The following SLC7A5 variants were observed in gnomAD, a reference collection of about 807,000 sequenced individuals.
The protein encoded by SLC7A5 is solute carrier family 7 member 5.
Under a neutral mutation model 50.2 loss-of-function variants are expected in SLC7A5, and 23 were observed. The observed-to-expected ratio is 0.46, with a 90% CI of 0.33 to 0.65. The LOEUF (loss-of-function observed/expected upper bound fraction) is 0.65, where lower values mean the gene tolerates loss of function less well. SLC7A5 is among the 30% of genes least tolerant of loss of function. The pLI is 0.02. For missense variants in SLC7A5, 578 were observed against 684.4 expected (o/e 0.84, Z 1.73); for synonymous variants, 393 against 330.6 (o/e 1.19, Z -2.05).
intron 4 of SLC7A5, 75 bp downstream of exon 4, chr16:87,840,354 C>A (rs901497521): frequency 1.5e-6 from 2 of 1,322,352 alleles, no homozygotes; most frequent in Non-Finnish European, 2.2e-6. Context: ...CAACAGGCTT[C>A]GAGTGGAATG....
In SLC7A5 at chr16:87,862,898, G is replaced by C. The variant is rs148016523; in HGVS notation, c.538+5987C>G. On this transcript the variant is annotated intron_variant, in intron 1 of 9. Transcript: ENST00000261622. This position sits in a 1 kb window ranked among gnomAD's most constrained non-coding sequence, Gnocchi z 5.3. ...AATCTGCTGAGGAGTGACAGCCATGGGGAGGAGAGCCACCTCACTCCAGGG... is the reference window on the plus strand; with the variant it reads ...AATCTGCTGAGGAGTGACAGCCATGCGGAGGAGAGCCACCTCACTCCAGGG... Among the ~76,000 whole-genome samples, 439 of 152,330 alleles carry C rather than the reference G, an allele frequency of 2.9e-3. 2 individuals are homozygous for C. Among genetic ancestry groups the C allele is most frequent in the African/African-American group, 0.01 (419 of 41,572 alleles).
At chr16:87,847,415 G>C (rs567578395) in intron 2 of SLC7A5, among the ~76,000 whole-genome samples, 1 of 152,172 alleles carries the variant, frequency 6.6e-6, no homozygotes, top group East Asian at 1.9e-4. Context: ...TGAGGGAGGC[G>C]GCACCTCTTC....
rs1356908492 is a variant in SLC7A5, at chr16:87,862,076, C to G, written c.538+6809G>C. Among the ~76,000 whole-genome samples, 2 of 152,160 alleles carry G rather than the reference C, an allele frequency of 1.3e-5. No individual in the cohort carries two copies. Among genetic ancestry groups the G allele is most frequent in the South Asian group, 2.1e-4 (1 of 4,830 alleles). The stretch of plus-strand genomic sequence containing the variant: ...TGGAGGGGTGCAGGGATCCCAAAAC[C>G]CAACCCGGGGCCAGGTTTTACACAG... On this transcript the variant is annotated intron_variant, in intron 1 of 9. Transcript: ENST00000261622. This position sits in a 1 kb window ranked among gnomAD's most constrained non-coding sequence, Gnocchi z 5.3.
chr16:87,869,104 C>A lies in SLC7A5; in HGVS notation c.319G>T (p.Gly107Cys). The change falls in exon 1 of 10, where the codon GGC becomes TGC. Residue 107 changes from glycine (G) to cysteine (C), a missense_variant. This residue lies in a region of SLC7A5 where 465 missense variants were observed against 594.6 expected (regional missense o/e 0.78). Transcript: ENST00000261622. ...IVGALCYAEL[G>C]TTISKSGGDY... The stretch of plus-strand genomic sequence containing the variant: ...CCGCCCGATTTGGAGATGGTGGTGC[C>A]GAGCTCCGCGTAGCAGAGCGCGCCC... 1 of 1,611,846 alleles carries A rather than the reference C, an allele frequency of 6.2e-7. No homozygotes were observed. The highest frequency in any genetic ancestry group is 8.5e-7 in the Non-Finnish European group (1 of 1,179,770).
chr16:87,830,481 A>C lies in SLC7A5; in HGVS notation c.*2489T>G, dbSNP rs574357687. ...AGGGACGGAAAAATCAAGTCTTCTGAGACAGTCCCCTGCGGTGGCCCTGGT... is the reference window on the plus strand; with the variant it reads ...AGGGACGGAAAAATCAAGTCTTCTGCGACAGTCCCCTGCGGTGGCCCTGGT... On this transcript the variant is annotated 3_prime_UTR_variant, in exon 10 of 10. Transcript: ENST00000261622. 6.6e-6 allele frequency: 1 copy of C among 152,440 alleles called. No individual in the cohort carries two copies. The highest frequency in any genetic ancestry group is 2.4e-5 in the African/African-American group (1 of 41,584). The allele number at this position is 152,440 out of a possible 1,614,324, so 9.4% of individuals were successfully genotyped here. A position where few individuals can be genotyped will look rare whatever the true frequency, so the allele number is the denominator to read the frequency against.
chr16:87,839,582 A>G, intron 5 of SLC7A5, 120 bp downstream of exon 5: 2 of 1,445,088 alleles, frequency 1.4e-6, no homozygotes, highest in Non-Finnish European at 1.9e-6. Flanking sequence ...AGGCTTAGAG[A>G]CGCGGGGCCC....
chr16:87,858,096 A>G (rs1354178504), intron 1 of SLC7A5, among the ~76,000 whole-genome samples: 1 of 152,168 alleles, frequency 6.6e-6, no homozygotes, highest in Non-Finnish European at 1.5e-5. Flanking sequence ...GGAGACCCCC[A>G]GGGCTGACAG....
chr16:87,845,378 A>T (rs904291536), intron 2 of SLC7A5, among the ~76,000 whole-genome samples: 1 of 151,704 alleles, frequency 6.6e-6, no homozygotes, highest in Non-Finnish European at 1.5e-5. Flanking sequence ...TGACCGCCAC[A>T]TGGGTTCAGT....
At chr16:87,834,737 C>A in intron 8 of SLC7A5, 146 bp from the exon 9 acceptor site, 1 of 817,820 alleles carries the variant, frequency 1.2e-6, no homozygotes. Context: ...CTCCATCTGC[C>A]TCACACACCG....
In SLC7A5 at chr16:87,865,566, T is replaced by A. The variant is rs577101776; in HGVS notation, c.538+3319A>T. ...TCTGCTAAAAATACAAAAAATTAGCTGGGCATGGTGGGCACCTGTAGTCCC... is the reference window on the plus strand; with the variant it reads ...TCTGCTAAAAATACAAAAAATTAGCAGGGCATGGTGGGCACCTGTAGTCCC... On this transcript the variant is annotated intron_variant, in intron 1 of 9. Transcript: ENST00000261622. Among the ~76,000 whole-genome samples the A allele has an allele frequency of 1.1e-3, 163 of 151,994 alleles. 1 individual carries two copies. The highest frequency in any genetic ancestry group is 3.6e-3 in the African/African-American group (149 of 41,452).
rs2055405661 is a variant in SLC7A5, at chr16:87,862,087, C to T, written c.538+6798G>A. ...AGGGATCCCAAAACCCAACCCGGGG[C>T]CAGGTTTTACACAGGCCTGGACTGA... On this transcript the variant is annotated intron_variant, in intron 1 of 9. Transcript: ENST00000261622. The surrounding 1 kb of genome is among the most constrained non-coding windows in gnomAD (Gnocchi z 5.3). Among the ~76,000 whole-genome samples the T allele has an allele frequency of 6.6e-6, 1 of 152,160 alleles. No individual in the cohort carries two copies. The highest frequency in any genetic ancestry group is 1.5e-5 in the Non-Finnish European group (1 of 68,024).
chr16:87,835,062 G>A (rs2054981167), intron 8 of SLC7A5, among the ~76,000 whole-genome samples: 1 of 152,242 alleles, frequency 6.6e-6, no homozygotes, highest in African/African-American at 2.4e-5. Flanking sequence ...TTCAGCAGAT[G>A]AGCTCCACCC....
At chr16:87,864,498 G>T (rs2055438125) in intron 1 of SLC7A5, among the ~76,000 whole-genome samples, 3 of 152,070 alleles carry the variant, frequency 2.0e-5, no homozygotes, top group African/African-American at 7.2e-5. Flanking sequence ...CCCTTCCCGG[G>T]ACATCCACTG....
intron 1 of SLC7A5, among the ~76,000 whole-genome samples, chr16:87,855,762 T>C (rs913054382): frequency 6.6e-6 from 1 of 151,914 alleles, no homozygotes; most frequent in African/African-American, 2.4e-5. Context: ...GTGTTCAATA[T>C]GGAGAGCAGG....
chr16:87,836,743 C>A, intron 7 of SLC7A5, 96 bp from the exon 8 acceptor site: 2 of 1,325,096 alleles, frequency 1.5e-6, no homozygotes, highest in Non-Finnish European at 2.1e-6. Context: ...CTGGCTGGGC[C>A]CAGCTGAGCA....
At chr16:87,837,731 G>GAGCTGTC in intron 7 of SLC7A5, 114 bp downstream of exon 7, 2 of 815,300 alleles carry the variant, frequency 2.5e-6, no homozygotes, top group Non-Finnish European at 4.0e-6. Flanking sequence ...GGCCACATTT[G>GAGCTGTC]AGCTGTCACC....
Position 87,839,816 on chromosome 16 carries a change from G to A in SLC7A5, c.825C>T (p.Pro275=). The A allele has an allele frequency of 1.2e-6, 2 of 1,613,820 alleles. No homozygotes were observed. The highest frequency in any genetic ancestry group is 1.7e-6 in the Non-Finnish European group (2 of 1,179,968). ...EEMINPYRNL[P]LAIIISLPIV... Reference sequence around the variant, plus strand: ...TGGGCAGGGAGATGATGATGGCCAGGGGCAGGTTTCTGGAAAGAACAGGGA... The same window carrying A: ...TGGGCAGGGAGATGATGATGGCCAGAGGCAGGTTTCTGGAAAGAACAGGGA... Residue 275 remains proline (P), a synonymous_variant, in exon 5 of 10, where the codon CCC becomes CCT. Coordinates refer to ENST00000261622, the MANE Select transcript of SLC7A5 (RefSeq NM_003486.7).
At position 87,832,444 on chromosome 16, in the gene SLC7A5, G is replaced by A. The variant is rs2054945844; in HGVS notation, c.*526C>T. 1 of 150,898 alleles carries A rather than the reference G, an allele frequency of 6.6e-6. No homozygotes were observed. Among genetic ancestry groups the A allele is most frequent in the South Asian group, 2.1e-4 (1 of 4,806 alleles). 9.3% of individuals were successfully genotyped at this position (150,898 alleles called of 1,614,324 possible). On this transcript the variant is annotated 3_prime_UTR_variant, in exon 10 of 10. Coordinates refer to ENST00000261622, the MANE Select transcript of SLC7A5 (RefSeq NM_003486.7). The surrounding 1 kb of genome is among the most constrained non-coding windows in gnomAD (Gnocchi z 4.6). ...TGAGTTTCCACTCTGCAAACCCTAA[G>A]GCAGAGACATAAGCCCACAGGGTTG...
Position 87,860,768 on chromosome 16 carries a change from TC to T in SLC7A5, c.538+8116del, listed in dbSNP as rs1365606298. Reference sequence around the variant, plus strand: ...TCAGCAGGGATCGAGTTTGCGGGCGTCACGCTCCAAGGCCCAGAATAGGAGG... The same window carrying T: ...TCAGCAGGGATCGAGTTTGCGGGCGTACGCTCCAAGGCCCAGAATAGGAGG... On this transcript the variant is annotated intron_variant, in intron 1 of 9. Coordinates refer to ENST00000261622, the MANE Select transcript of SLC7A5 (RefSeq NM_003486.7). This position sits in a 1 kb window ranked among gnomAD's most constrained non-coding sequence, Gnocchi z 4.8. Among the ~76,000 whole-genome samples the T allele has an allele frequency of 6.6e-6, 1 of 152,170 alleles. No homozygotes were observed. The highest frequency in any genetic ancestry group is 6.5e-5 in the Admixed American group (1 of 15,278).
Sources: allele counts gnomAD v4.1 joint callset (sites outside exome capture counted in the v4.1 genomes callset), GRCh38; gene constraint gnomAD v4.1.1; regional missense constraint gnomAD v4.1.1; non-coding constraint Gnocchi (gnomAD v3.1); transcripts MANE v1.5; gene names NCBI Gene and HGNC (gene_info 2026-07-23, HGNC 2026-07-21).